The following FAM161A variants were observed in gnomAD, a reference collection of about 807,000 sequenced individuals.
The protein encoded by FAM161A is FAM161 centrosomal protein A.
FAM161A carries 57 observed loss-of-function variants against 70.9 expected under a neutral mutation model. The observed-to-expected ratio is 0.80, with a 90% CI of 0.65 to 1.00. FAM161A has a LOEUF of 1.00. FAM161A is among the 50% of genes least tolerant of loss of function. The pLI is 0.00. For synonymous variants in FAM161A, 299 were observed against 295.7 expected, an observed-to-expected ratio of 1.01 and a Z score of -0.12; for missense variants, 880 against 836.0, an observed-to-expected ratio of 1.05 and a Z score of -0.65.
At chr2:61,811,909 G>A in the FAM161A span, among the ~76,000 whole-genome samples, 1 of 152,108 alleles carries the variant, frequency 6.6e-6, no homozygotes, top group Non-Finnish European at 1.5e-5. Flanking sequence ...TGTCCTAGAA[G>A]GCCCCATAGA....
rs1672320480 is a variant in FAM161A, at chr2:61,825,515, A to G, written c.*940T>C. 2.3e-6 allele frequency: 1 copy of G among 441,756 alleles called. No homozygotes were observed. The highest frequency in any genetic ancestry group is 2.0e-5 in the African/African-American group (1 of 49,040). The allele number at this position is 441,756 out of a possible 1,614,324, so 27.4% of individuals were successfully genotyped here. ...TAAAAACTTTCCTAATAATTTACAA[A>G]TCAAAAATAATTTGGACTAGAACTA... is the stretch of plus-strand genomic sequence containing the variant. On this transcript the variant is annotated 3_prime_UTR_variant, in exon 7 of 7. Coordinates refer to ENST00000404929, the MANE Select transcript of FAM161A (RefSeq NM_001201543.2).
Position 61,842,206 on chromosome 2 carries a change from A to G in FAM161A, c.338T>C (p.Leu113Ser). The change falls in exon 2 of 7, where the codon TTA becomes TCA. Residue 113 changes from leucine to serine, a missense_variant. Transcript: ENST00000404929. ...TAATTTATCCTGGTACATTTTCTCT[A>G]ATTTTGCCATAGTTTCTATGTGGGC... ...KAAHIETMAKLEKMYQDKLHL... is the reference protein window; with the variant it reads ...KAAHIETMAKSEKMYQDKLHL... The G allele has an allele frequency of 6.2e-7, 1 of 1,613,866 alleles. No individual in the cohort carries two copies. Among genetic ancestry groups the G allele is most frequent in the Non-Finnish European group, 8.5e-7 (1 of 1,179,808 alleles).
chr2:61,824,618 A>G (rs1672284171), downstream of FAM161A, among the ~76,000 whole-genome samples: 1 of 152,102 alleles, frequency 6.6e-6, no homozygotes, highest in Non-Finnish European at 1.5e-5. Flanking sequence ...TTTAAAGGTA[A>G]GAAAACAAGA....
chr2:61,830,433 T>A (rs1358863725), intron 5 of FAM161A, among the ~76,000 whole-genome samples: 1 of 151,582 alleles, frequency 6.6e-6, no homozygotes, highest in African/African-American at 2.4e-5. Context: ...GTAATCCCAG[T>A]ACTTTGGGAG....
chr2:61,804,810 G>GAAAGAAAGAA, the FAM161A span, among the ~76,000 whole-genome samples: 36 of 141,992 alleles, frequency 2.5e-4, no homozygotes, highest in African/African-American at 7.2e-4. Flanking sequence ...AAGAAAGAAA[G>GAAAGAAAGAA]AAAGAAAGAG....
At position 61,839,502 on chromosome 2, in the gene FAM161A, CA is replaced by C. The variant is rs767414973; in HGVS notation, c.1501del (p.Cys501ValfsTer4). On this transcript the variant is annotated frameshift_variant, in exon 3 of 7. Coordinates refer to ENST00000404929, the MANE Select transcript of FAM161A (RefSeq NM_001201543.2). LOFTEE classifies it high-confidence loss of function. ...ACAAGGCACAGGGTTTACACCTGCA[CA>C]TCTTACTGGTGACTTACGCCTTGGA... ...LSPRRKSPVR[C>X]AGVNPVPCNC... 127 of 1,614,082 alleles carry C rather than the reference CA, an allele frequency of 7.9e-5. No homozygotes were observed. Among genetic ancestry groups the C allele is most frequent in the Non-Finnish European group, 1.1e-4 (125 of 1,180,040 alleles).
At position 61,825,153 on chromosome 2, in the gene FAM161A, G is replaced by C. The variant is rs1442008456; in HGVS notation, c.*1302C>G. The C allele has an allele frequency of 2.3e-6, 1 of 440,594 alleles. No individual in the cohort carries two copies. The highest frequency in any genetic ancestry group is 6.9e-5 in the East Asian group (1 of 14,476). The allele number at this position is 440,594 out of a possible 1,614,324, so 27.3% of individuals were successfully genotyped here. The stretch of plus-strand genomic sequence containing the variant: ...TTTAAAATGATGCTGATTGTTTTTA[G>C]AAAAGAAAATGTCTTATGCTATATT... On this transcript the variant is annotated 3_prime_UTR_variant, in exon 7 of 7. Coordinates refer to ENST00000404929, the MANE Select transcript of FAM161A (RefSeq NM_001201543.2).
chr2:61,833,991 C>T (rs1436192034), intron 5 of FAM161A, among the ~76,000 whole-genome samples: 1 of 152,188 alleles, frequency 6.6e-6, no homozygotes, highest in African/African-American at 2.4e-5. Context: ...TACTACTGCA[C>T]TGGCCTGGGC....
chr2:61,812,980 G>A, the FAM161A span, among the ~76,000 whole-genome samples: 6 of 151,228 alleles, frequency 4.0e-5, no homozygotes, highest in Admixed American at 6.6e-5. Flanking sequence ...GGAGAATGGC[G>A]TGAACCCAGG....
Position 61,839,295 on chromosome 2 carries a change from T to C in FAM161A, c.1583+126A>G, listed in dbSNP as rs918874577. The C allele has an allele frequency of 3.1e-5, 25 of 813,206 alleles. No individual in the cohort carries two copies. The African/African-American group carries it at 4.1e-4, about 13-fold the overall frequency. 50.4% of individuals were successfully genotyped at this position (813,206 alleles called of 1,614,324 possible). A position where few individuals can be genotyped will look rare whatever the true frequency, so the allele number is the denominator to read the frequency against. On this transcript the variant is annotated intron_variant, in intron 3 of 6. Coordinates refer to ENST00000404929, the MANE Select transcript of FAM161A (RefSeq NM_001201543.2). Reference sequence around the variant, plus strand: ...TGACAAAATATCATATATTATATAGTAAAATATCTTATAGATACAATAATA... The same window carrying C: ...TGACAAAATATCATATATTATATAGCAAAATATCTTATAGATACAATAATA...
chr2:61,846,579 T>G (rs1240275275), intron 1 of FAM161A, among the ~76,000 whole-genome samples: 1 of 152,218 alleles, frequency 6.6e-6, no homozygotes. Flanking sequence ...GTAAAGTAGG[T>G]GTGCCAGGTG....
At chr2:61,830,470 C>T (rs1672525759) in intron 5 of FAM161A, among the ~76,000 whole-genome samples, 1 of 151,924 alleles carries the variant, frequency 6.6e-6, no homozygotes, top group African/African-American at 2.4e-5. Context: ...CACTTGAGGT[C>T]AGGAGTTCAG....
At chr2:61,824,273 C>G (rs540371590), downstream of FAM161A, among the ~76,000 whole-genome samples, 4 of 151,226 alleles carry the variant, frequency 2.6e-5, no homozygotes, top group East Asian at 7.8e-4. Context: ...CTCCTGACCT[C>G]ATAATCCACC....
the FAM161A span, among the ~76,000 whole-genome samples, chr2:61,815,987 A>G: frequency 2.2e-4 from 34 of 152,224 alleles, no homozygotes; most frequent in African/African-American, 7.9e-4. Flanking sequence ...TTAGGCTTCT[A>G]TGGAAAATCA....
Position 61,825,086 on chromosome 2 carries a change from T to G in FAM161A, c.*1369A>C. 1 of 453,922 alleles carries G rather than the reference T, an allele frequency of 2.2e-6. No individual in the cohort carries two copies. Among genetic ancestry groups the G allele is most frequent in the Non-Finnish European group, 4.4e-6 (1 of 226,710 alleles). 28.1% of individuals were successfully genotyped at this position (453,922 alleles called of 1,614,324 possible). A position where few individuals can be genotyped will look rare whatever the true frequency, so the allele number is the denominator to read the frequency against. On this transcript the variant is annotated 3_prime_UTR_variant, in exon 7 of 7. Coordinates refer to ENST00000404929, the MANE Select transcript of FAM161A (RefSeq NM_001201543.2). ...TAAATTTAAAGCATAAATTGCCAGT[T>G]TGGAAACACTGCTATTACATACACC...
At chr2:61,816,648 CGGCGGGGCGGG>C in the FAM161A span, among the ~76,000 whole-genome samples, 5 of 151,812 alleles carry the variant, frequency 3.3e-5, no homozygotes, top group Admixed American at 3.3e-4. Context: ...TTTGTAGAGA[CGGCGGGGCGGG>C]GGGGTCTTGC....
chr2:61,853,922 CG>C lies in FAM161A; in HGVS notation c.119del (p.Ala40GlyfsTer25), dbSNP rs2105111147. On this transcript the variant is annotated frameshift_variant, in exon 1 of 7. Coordinates refer to ENST00000404929, the MANE Select transcript of FAM161A (RefSeq NM_001201543.2). LOFTEE classifies it high-confidence loss of function. ...YEREDPLKALAAAEAILEDEE... is the reference protein window; with the variant it reads ...YEREDPLKALXAAEAILEDEE... ...CGTCCTCCAAGATCGCCTCCGCTGC[CG>C]CCAGGGCCTTTAAGGGGTCTTCGCG... 6.2e-7 allele frequency: 1 copy of C among 1,614,004 alleles called. No homozygotes were observed. The highest frequency in any genetic ancestry group is 8.5e-7 in the Non-Finnish European group (1 of 1,179,870).
chr2:61,836,014 G>A lies in FAM161A; in HGVS notation c.1847C>T (p.Ala616Val), dbSNP rs780076726. 3.1e-6 allele frequency: 5 copies of A among 1,596,324 alleles called. No homozygotes were observed. The highest frequency in any genetic ancestry group is 1.4e-5 in the African/African-American group (1 of 73,310). ...TTAAATTCCAATAAACACAACCTGA[G>A]CAACTCTTTCAAATAGCAGTGGCCT... The part of the protein sequence containing the change: ...KKRPLLFERV[A>V]QKNARMAAEK... Residue 616 changes from alanine to valine, a missense_variant, in exon 5 of 7, where the codon GCT becomes GTT. Transcript: ENST00000404929.
At chr2:61,823,177 A>T (rs1672242338), downstream of FAM161A, among the ~76,000 whole-genome samples, 1 of 151,040 alleles carries the variant, frequency 6.6e-6, no homozygotes, top group Non-Finnish European at 1.5e-5. Flanking sequence ...TACTAAAACT[A>T]TAAAAATTAG....
Sources: allele counts gnomAD v4.1 joint callset (sites outside exome capture counted in the v4.1 genomes callset), GRCh38; gene constraint gnomAD v4.1.1; transcripts MANE v1.5; gene names NCBI Gene and HGNC (gene_info 2026-07-23, HGNC 2026-07-21).